The following OR1J2 variants were observed in gnomAD, a reference collection of about 807,000 sequenced individuals.
The protein encoded by OR1J2 is olfactory receptor 1J2.
For missense variants in OR1J2, 304 were observed against 246.1 expected, an observed-to-expected ratio of 1.24 and a Z score of -1.57; for synonymous variants, 142 against 99.7, an observed-to-expected ratio of 1.42 and a Z score of -2.52.
At chr9:122,541,261 C>T in the OR1J2 span, among the ~76,000 whole-genome samples, 2 of 152,124 alleles carry the variant, frequency 1.3e-5, no homozygotes, top group Non-Finnish European at 2.9e-5. Context: ...AAAACTAAAT[C>T]CTAAGCTGGC....
the OR1J2 span, among the ~76,000 whole-genome samples, chr9:122,449,533 C>T: frequency 2.0e-5 from 3 of 152,042 alleles, no homozygotes; most frequent in Non-Finnish European, 4.4e-5. Flanking sequence ...CCATGCCCAG[C>T]TAATTTTTTG....
At chr9:122,482,997 AGAG>A in the OR1J2 span, among the ~76,000 whole-genome samples, 2 of 152,196 alleles carry the variant, frequency 1.3e-5, no homozygotes, top group Admixed American at 1.3e-4. Context: ...AAGAGCTAGA[AGAG>A]AGGATTTTGA....
At chr9:122,519,660 A>G in the OR1J2 span, 8 of 1,613,826 alleles carry the variant, frequency 5.0e-6, no homozygotes, top group Non-Finnish European at 6.8e-6. Flanking sequence ...TGACAACACC[A>G]TCCCCCATTT....
the OR1J2 span, among the ~76,000 whole-genome samples, chr9:122,449,158 G>A: frequency 1.8e-3 from 270 of 152,194 alleles, no homozygotes; most frequent in African/African-American, 5.9e-3. Context: ...TAGTACAAAT[G>A]ATGGGCACCA....
the OR1J2 span, among the ~76,000 whole-genome samples, chr9:122,554,368 A>G: frequency 2.0e-5 from 3 of 152,008 alleles, no homozygotes; most frequent in African/African-American, 7.2e-5. Context: ...TCCTGACCCC[A>G]GTGAGGCAAC....
chr9:122,452,264 G>A, the OR1J2 span, among the ~76,000 whole-genome samples: 1 of 152,118 alleles, frequency 6.6e-6, no homozygotes, highest in Admixed American at 6.5e-5. Flanking sequence ...GTTTGAGCCG[G>A]TTAAGGATCA....
At chr9:122,554,355 C>G in the OR1J2 span, 1 of 541,790 alleles carries the variant, frequency 1.8e-6, no homozygotes, top group Non-Finnish European at 3.3e-6. Context: ...GTCTCAGCCT[C>G]TTTCCTGACC....
chr9:122,480,560 T>A, the OR1J2 span, among the ~76,000 whole-genome samples: 1 of 152,098 alleles, frequency 6.6e-6, no homozygotes, highest in Non-Finnish European at 1.5e-5. Context: ...TATTTCTTTT[T>A]TTTTTTTGGC....
At chr9:122,566,237 A>C in the OR1J2 span, among the ~76,000 whole-genome samples, 7 of 152,246 alleles carry the variant, frequency 4.6e-5, no homozygotes, top group Admixed American at 2.0e-4. Context: ...GTTTTTCTTC[A>C]ACTGGTAATT....
chr9:122,459,145 T>C, the OR1J2 span, among the ~76,000 whole-genome samples: 1 of 152,210 alleles, frequency 6.6e-6, no homozygotes, highest in Admixed American at 6.5e-5. Flanking sequence ...AATTTCATTC[T>C]TTTTTATGGC....
the OR1J2 span, among the ~76,000 whole-genome samples, chr9:122,455,664 ACT>A: frequency 1.3e-5 from 2 of 151,692 alleles, no homozygotes; most frequent in African/African-American, 4.8e-5. Context: ...TTGTGTTTTC[ACT>A]CTCACAATAT....
chr9:122,497,889 T>C, the OR1J2 span, among the ~76,000 whole-genome samples: 3 of 152,196 alleles, frequency 2.0e-5, no homozygotes, highest in Admixed American at 6.5e-5. Context: ...TCTATTTTCA[T>C]TTATTTCAAA....
At chr9:122,467,120 C>T in the OR1J2 span, among the ~76,000 whole-genome samples, 1,503 of 152,278 alleles carry the variant, frequency 9.9e-3, 8 homozygotes, top group Middle Eastern at 0.054. Flanking sequence ...CCACCACATC[C>T]GGCTGGGAGT....
chr9:122,573,980 G>GA, the OR1J2 span, among the ~76,000 whole-genome samples: 5 of 152,070 alleles, frequency 3.3e-5, no homozygotes, highest in Non-Finnish European at 7.4e-5. Context: ...ACTATTTGTT[G>GA]AAAAAACTGT....
chr9:122,480,059 A>T, the OR1J2 span, among the ~76,000 whole-genome samples: 1 of 152,194 alleles, frequency 6.6e-6, no homozygotes, highest in Admixed American at 6.5e-5. Context: ...CTTATAAGCG[A>T]TTTATTTTTC....
chr9:122,554,352 C>A, the OR1J2 span: 1 of 550,642 alleles, frequency 1.8e-6, no homozygotes, highest in Non-Finnish European at 3.2e-6. Context: ...TCTGTCTCAG[C>A]CTCTTTCCTG....
the OR1J2 span, among the ~76,000 whole-genome samples, chr9:122,470,719 G>A: frequency 2.3e-3 from 349 of 152,318 alleles, no homozygotes; most frequent in African/African-American, 8.0e-3. Context: ...GAGGGAGGCT[G>A]TACCCTGCAA....
the OR1J2 span, among the ~76,000 whole-genome samples, chr9:122,465,573 T>C: frequency 3.3e-5 from 5 of 152,218 alleles, no homozygotes; most frequent in African/African-American, 7.2e-5. Flanking sequence ...AAACTTGTTT[T>C]GTTAGAACAA....
the OR1J2 span, among the ~76,000 whole-genome samples, chr9:122,472,644 A>G: frequency 6.6e-6 from 1 of 152,256 alleles, no homozygotes; most frequent in Non-Finnish European, 1.5e-5. Context: ...GGTATAATCA[A>G]GGCTATGGAT....
Sources: allele counts gnomAD v4.1 joint callset (sites outside exome capture counted in the v4.1 genomes callset), GRCh38; gene constraint gnomAD v4.1.1; transcripts MANE v1.5; gene names NCBI Gene and HGNC (gene_info 2026-07-23, HGNC 2026-07-21).